Variants in TSPAN5 observed in about 807,000 individuals in gnomAD.
TSPAN5 encodes the protein tetraspanin-5.
A neutral mutation model predicts 37.1 loss-of-function variants in TSPAN5; 10 were observed. The ratio of observed to expected loss-of-function variants is 0.27; its 90% CI spans 0.17 to 0.46. The LOEUF (loss-of-function observed/expected upper bound fraction) is 0.46. Among genes scored for constraint, TSPAN5 ranks in the 20% least tolerant of loss-of-function variants. The pLI, the probability that TSPAN5 is intolerant of heterozygous loss-of-function variation, is 1.00. For missense variants in TSPAN5, 195 were observed against 326.6 expected, an observed-to-expected ratio of 0.60 and a Z score of 3.11; for synonymous variants, 110 against 118.9, an observed-to-expected ratio of 0.93 and a Z score of 0.48.
chr4:98,631,188 C>A (rs1300725144), intron 1 of TSPAN5, among the ~76,000 whole-genome samples: 2 of 152,144 alleles, frequency 1.3e-5, no homozygotes, highest in Non-Finnish European at 2.9e-5. Flanking sequence ...ACTGGCAAAA[C>A]GTCCACAAGG....
chr4:98,503,257 G>C (rs963192444), intron 2 of TSPAN5, among the ~76,000 whole-genome samples: 1 of 152,072 alleles, frequency 6.6e-6, no homozygotes, highest in African/African-American at 2.4e-5. Context: ...TCCCAAGCTA[G>C]ATTGATGAGG....
chr4:98,540,343 C>CTT (rs879675525), intron 1 of TSPAN5, among the ~76,000 whole-genome samples: 1 of 146,628 alleles, frequency 6.8e-6, no homozygotes, highest in African/African-American at 2.5e-5. Context: ...TTCCCTCTTC[C>CTT]TTTTTTTTTT....
chr4:98,612,993 C>T (rs1248356984), intron 1 of TSPAN5, among the ~76,000 whole-genome samples: 1 of 152,182 alleles, frequency 6.6e-6, no homozygotes, highest in Admixed American at 6.5e-5. Flanking sequence ...TTTTTTCCCC[C>T]TGCAGTGTTT....
intron 1 of TSPAN5, among the ~76,000 whole-genome samples, chr4:98,541,692 A>AGAGAG (rs34399262): frequency 3.3e-5 from 3 of 91,980 alleles, no homozygotes; most frequent in East Asian, 3.0e-4. Context: ...AAAAAAAAAA[A>AGAGAG]AAAGAGAGAG....
In TSPAN5 at chr4:98,472,517, G is replaced by T. The variant is rs1295657548; in HGVS notation, c.*5C>A. The stretch of plus-strand genomic sequence containing the variant: ...CAGTGTCTTGCAGCAGCGGTTGCAG[G>T]GGGTCTACCAGCTCGCCCTGACAGC... On this transcript the variant is annotated 3_prime_UTR_variant, in exon 8 of 8. Coordinates refer to ENST00000305798, the MANE Select transcript of TSPAN5 (RefSeq NM_005723.4). The T allele has an allele frequency of 6.2e-7, 1 of 1,613,830 alleles. No individual in the cohort carries two copies. Among genetic ancestry groups the T allele is most frequent in the South Asian group, 1.1e-5 (1 of 91,038 alleles).
chr4:98,632,742 G>A (rs1756775328), intron 1 of TSPAN5, among the ~76,000 whole-genome samples: 1 of 152,146 alleles, frequency 6.6e-6, no homozygotes, highest in Non-Finnish European at 1.5e-5. Flanking sequence ...AAAAGTCCTG[G>A]GTGGTATGAC....
chr4:98,502,281 G>C (rs556813652), intron 2 of TSPAN5, among the ~76,000 whole-genome samples: 1 of 152,266 alleles, frequency 6.6e-6, no homozygotes, highest in South Asian at 2.1e-4. Flanking sequence ...TATTCATTTG[G>C]AAGTCATCAG....
intron 1 of TSPAN5, among the ~76,000 whole-genome samples, chr4:98,523,901 G>A (rs1753907988): frequency 6.6e-6 from 1 of 152,102 alleles, no homozygotes; most frequent in Non-Finnish European, 1.5e-5. Context: ...ATGTGGCCTG[G>A]GCAAGCTGAC....
At chr4:98,607,673 T>TG (rs1365708805) in intron 1 of TSPAN5, among the ~76,000 whole-genome samples, 1 of 125,652 alleles carries the variant, frequency 8.0e-6, no homozygotes, top group Non-Finnish European at 1.8e-5. Context: ...AGTACACAGT[T>TG]GGGAAAAAAA....
At chr4:98,608,505 A>G (rs550908832) in intron 1 of TSPAN5, among the ~76,000 whole-genome samples, 52 of 152,232 alleles carry the variant, frequency 3.4e-4, no homozygotes, top group Middle Eastern at 3.4e-3. Context: ...TCTCTCCGCA[A>G]TCAGTCACCA....
Position 98,482,141 on chromosome 4 carries a change from T to C in TSPAN5, c.314A>G (p.Glu105Gly). ...SVFLGIIFFL[E>G]LTAGVLAFVF... ...AAATGCTAGAACTCCGGCAGTGAGC[T>C]CCAGGAAGAAAATAATTCCCAGGAA... Residue 105 changes from glutamate to glycine, a missense_variant, in exon 4 of 8, where the codon GAG (glutamate) becomes GGG (glycine). Physicochemically the swap from Glu to Gly is moderately conservative, Grantham distance 98 (BLOSUM62 -2). Transcript: ENST00000305798. 1 of 1,613,980 alleles carries C rather than the reference T, an allele frequency of 6.2e-7. No homozygotes were observed. The highest frequency in any genetic ancestry group is 8.5e-7 in the Non-Finnish European group (1 of 1,179,988).
intron 1 of TSPAN5, among the ~76,000 whole-genome samples, chr4:98,590,320 C>A (rs1755594552): frequency 6.6e-6 from 1 of 152,186 alleles, no homozygotes; most frequent in South Asian, 2.1e-4. Context: ...GTGCCAGGCA[C>A]AACACCTATG....
At chr4:98,576,733 T>C (rs1297227188) in intron 1 of TSPAN5, among the ~76,000 whole-genome samples, 3 of 152,144 alleles carry the variant, frequency 2.0e-5, no homozygotes, top group Admixed American at 2.0e-4. Flanking sequence ...ATGATTTTTC[T>C]TTCAGCATAC....
At chr4:98,585,896 A>G (rs919000795) in intron 1 of TSPAN5, among the ~76,000 whole-genome samples, 3 of 152,242 alleles carry the variant, frequency 2.0e-5, no homozygotes, top group Admixed American at 2.0e-4. Context: ...TTCTCCCAGA[A>G]CTTGCAGGCT....
chr4:98,526,131 A>G (rs1486464624), intron 1 of TSPAN5, among the ~76,000 whole-genome samples: 2 of 152,232 alleles, frequency 1.3e-5, no homozygotes, highest in Admixed American at 1.3e-4. Context: ...TAAAGATATC[A>G]GGCTGGGTCT....
At chr4:98,498,462 A>G (rs751500800) in intron 2 of TSPAN5, among the ~76,000 whole-genome samples, 5 of 152,178 alleles carry the variant, frequency 3.3e-5, no homozygotes, top group Non-Finnish European at 7.3e-5. Flanking sequence ...ACTGATCACT[A>G]TCTGAAAACC....
At chr4:98,578,022 A>C (rs1207427218) in intron 1 of TSPAN5, among the ~76,000 whole-genome samples, 2 of 152,242 alleles carry the variant, frequency 1.3e-5, no homozygotes, top group Non-Finnish European at 2.9e-5. Flanking sequence ...TGGCAGCATC[A>C]CATTAGATCA....
intron 2 of TSPAN5, among the ~76,000 whole-genome samples, chr4:98,505,120 G>T (rs1753446961): frequency 6.6e-6 from 1 of 151,908 alleles, no homozygotes; most frequent in South Asian, 2.1e-4. Flanking sequence ...ATTACATTGG[G>T]GATGAGGGCC....
chr4:98,641,580 G>T (rs1049528975), intron 1 of TSPAN5, among the ~76,000 whole-genome samples: 2 of 152,156 alleles, frequency 1.3e-5, no homozygotes, highest in African/African-American at 4.8e-5. Flanking sequence ...AAACGACTGC[G>T]CCAAAACCAT....
Sources: allele counts gnomAD v4.1 joint callset (sites outside exome capture counted in the v4.1 genomes callset), GRCh38; gene constraint gnomAD v4.1.1; transcripts MANE v1.5; gene names NCBI Gene and HGNC (gene_info 2026-07-23, HGNC 2026-07-21).